HMGCLL1: variants seen among roughly 807,000 people sequenced by gnomAD.
HMGCLL1 encodes 3-hydroxy-3-methylglutaryl-CoA lyase like 1, also known as 3-hydroxymethyl-3-methylglutaryl-CoA lyase, cytoplasmic.
A neutral mutation model predicts 39.1 loss-of-function variants in HMGCLL1; 36 were observed. The observed-to-expected ratio is 0.92, with a 90% CI of 0.71 to 1.22. HMGCLL1 has a LOEUF of 1.22. Ranked by LOEUF, HMGCLL1 falls within the 50% of genes most tolerant of loss-of-function variation. The probability of loss-of-function intolerance (pLI) is 0.00; values close to 1 mark genes in which losing one functional copy is unlikely to be tolerated. For missense variants in HMGCLL1, 451 were observed against 416.5 expected (o/e 1.08, Z -0.72); for synonymous variants, 149 against 144.0 (o/e 1.03, Z -0.25).
At chr6:55,649,545 A>G in the HMGCLL1 span, among the ~76,000 whole-genome samples, 1 of 151,804 alleles carries the variant, frequency 6.6e-6, no homozygotes, top group Admixed American at 6.6e-5. Flanking sequence ...TGATTATTAA[A>G]TGCCTTGAGG....
the HMGCLL1 span, among the ~76,000 whole-genome samples, chr6:55,586,308 A>C: frequency 1.3e-5 from 2 of 152,180 alleles, no homozygotes; most frequent in East Asian, 3.9e-4. Flanking sequence ...AGAGCCTATC[A>C]TGATGAAGAG....
At chr6:55,481,193 C>A (rs1235911469) in intron 7 of HMGCLL1, among the ~76,000 whole-genome samples, 1 of 151,782 alleles carries the variant, frequency 6.6e-6, no homozygotes, top group Admixed American at 6.6e-5. Flanking sequence ...CCAGCCTGGG[C>A]AACTTGTGAG....
At chr6:55,549,170 T>C (rs1220854088) in intron 1 of HMGCLL1, among the ~76,000 whole-genome samples, 1 of 151,724 alleles carries the variant, frequency 6.6e-6, no homozygotes, top group African/African-American at 2.4e-5. Flanking sequence ...TATTGCTATA[T>C]TGAAGGTTAA....
intron 7 of HMGCLL1, among the ~76,000 whole-genome samples, chr6:55,467,644 A>G (rs1166431291): frequency 6.6e-6 from 1 of 152,082 alleles, no homozygotes; most frequent in African/African-American, 2.4e-5. Flanking sequence ...CAATTCCAAA[A>G]GGAAATTAAG....
Position 55,514,107 on chromosome 6 carries a change from A to G in HMGCLL1, c.483T>C (p.Ser161=). 7 of 1,613,042 alleles carry G rather than the reference A, an allele frequency of 4.3e-6. No individual in the cohort carries two copies. The highest frequency in any genetic ancestry group is 5.9e-6 in the Non-Finnish European group (7 of 1,179,458). Reference sequence around the variant, plus strand: ...TAACAACCTCCTCAAATTTTCCCATACTTTCTTCAATGGAACAGTTAATAT... The same window carrying G: ...TAACAACCTCCTCAAATTTTCCCATGCTTTCTTCAATGGAACAGTTAATAT... ...KKNINCSIEE[S]MGKFEEVVKS... is the part of the protein sequence containing the mutation. The change falls in exon 5 of 9, where the codon AGT becomes AGC. Residue 161 remains serine, a synonymous_variant. Transcript: ENST00000274901.
intron 1 of HMGCLL1, among the ~76,000 whole-genome samples, chr6:55,543,596 A>AT (rs78071444): frequency 2.5e-4 from 15 of 59,636 alleles, no homozygotes; most frequent in African/African-American, 5.6e-4. Context: ...ATATATATAT[A>AT]TTTTTTTGCC....
In HMGCLL1 at chr6:55,567,162, G is replaced by T. The variant is rs11969281; in HGVS notation, c.108+11786C>A. Among the ~76,000 whole-genome samples, 874 of 152,122 alleles carry T rather than the reference G, an allele frequency of 5.7e-3. 9 individuals carry two copies. The highest frequency in any genetic ancestry group is 0.02 in the African/African-American group (827 of 41,514). On this transcript the variant is annotated intron_variant, in intron 1 of 8. Transcript: ENST00000274901. ...AAGGGAACATGAAGAAAACAAGGAT[G>T]GGTATCCCAAGTACTTCAAAAGTAT...
In HMGCLL1 at chr6:55,577,092, C is replaced by T. The variant is rs746894192; in HGVS notation, c.108+1856G>A. ...TGGATATTTACCCAGTGGATACAAGCCACCGTGCCTGCCAAGGAGACTGAG... is the reference window on the plus strand; with the variant it reads ...TGGATATTTACCCAGTGGATACAAGTCACCGTGCCTGCCAAGGAGACTGAG... On this transcript the variant is annotated intron_variant, in intron 1 of 8. Coordinates refer to ENST00000274901, the MANE Select transcript of HMGCLL1 (RefSeq NM_001042406.2). The T allele has an allele frequency of 1.9e-6, 3 of 1,613,496 alleles. No homozygotes were observed. The East Asian group carries it at 6.7e-5, about 36-fold the overall frequency.
At chr6:55,468,262 G>C (rs1178277789) in intron 7 of HMGCLL1, among the ~76,000 whole-genome samples, 1 of 151,928 alleles carries the variant, frequency 6.6e-6, no homozygotes, top group Non-Finnish European at 1.5e-5. Context: ...TTTTGAAAAT[G>C]AATGGCCTGA....
chr6:55,574,948 A>G (rs1268855281), intron 1 of HMGCLL1, among the ~76,000 whole-genome samples: 5 of 152,058 alleles, frequency 3.3e-5, no homozygotes, highest in Non-Finnish European at 5.9e-5. Context: ...TATTTTAGAA[A>G]TATAATAGGT....
chr6:55,632,954 C>T, the HMGCLL1 span, among the ~76,000 whole-genome samples: 4 of 152,102 alleles, frequency 2.6e-5, no homozygotes, highest in African/African-American at 9.7e-5. Flanking sequence ...TGCATATAGA[C>T]TCTTGACATC....
the HMGCLL1 span, among the ~76,000 whole-genome samples, chr6:55,632,058 T>A: frequency 6.6e-6 from 1 of 152,154 alleles, no homozygotes; most frequent in African/African-American, 2.4e-5. Flanking sequence ...TTTTTAAAAT[T>A]TTTAAGTGAA....
At chr6:55,456,528 A>T (rs1764328977) in intron 7 of HMGCLL1, among the ~76,000 whole-genome samples, 1 of 152,158 alleles carries the variant, frequency 6.6e-6, no homozygotes, top group Non-Finnish European at 1.5e-5. Flanking sequence ...GCTCTTCATC[A>T]CAGGAGACTG....
At chr6:55,629,884 TATGGAAATGCCTGG>T in the HMGCLL1 span, among the ~76,000 whole-genome samples, 1 of 152,094 alleles carries the variant, frequency 6.6e-6, no homozygotes. Context: ...TCAGAGGATG[TATGGAAATGCCTGG>T]ATGTACAGGC....
chr6:55,480,124 A>C lies in HMGCLL1; in HGVS notation c.795+15295T>G, dbSNP rs551304500. Reference sequence around the variant, plus strand: ...AGTGGACAAATTACATCAACTTAAAATAATGTAATTTTAAGGGATTTCATC... The same window carrying C: ...AGTGGACAAATTACATCAACTTAAACTAATGTAATTTTAAGGGATTTCATC... On this transcript the variant is annotated intron_variant, in intron 7 of 8. Transcript: ENST00000274901. 2.0e-5 allele frequency among the ~76,000 whole-genome samples: 3 copies of C among 151,728 alleles called. No individual in the cohort carries two copies. In the East Asian group the frequency reaches 5.8e-4, roughly 29 times the overall value.
At chr6:55,641,411 T>C in the HMGCLL1 span, among the ~76,000 whole-genome samples, 1 of 152,014 alleles carries the variant, frequency 6.6e-6, no homozygotes, top group South Asian at 2.1e-4. Flanking sequence ...TAGTAATAGG[T>C]ATATTAAAGA....
intron 1 of HMGCLL1, among the ~76,000 whole-genome samples, chr6:55,568,827 CTTGG>C (rs1433984864): frequency 6.6e-6 from 1 of 151,286 alleles, no homozygotes; most frequent in South Asian, 2.1e-4. Flanking sequence ...GGTCTAGCCC[CTTGG>C]TTGATTAGGG....
chr6:55,458,369 A>G (rs1764416316), intron 7 of HMGCLL1, among the ~76,000 whole-genome samples: 1 of 152,184 alleles, frequency 6.6e-6, no homozygotes, highest in Non-Finnish European at 1.5e-5. Context: ...TAATAGTGAT[A>G]CAGGAAAGCA....
intron 7 of HMGCLL1, among the ~76,000 whole-genome samples, chr6:55,444,276 T>A (rs1236012036): frequency 6.6e-6 from 1 of 152,054 alleles, no homozygotes; most frequent in Non-Finnish European, 1.5e-5. Flanking sequence ...CAACAGTTCC[T>A]TATCAAAGAG....
Sources: allele counts gnomAD v4.1 joint callset (sites outside exome capture counted in the v4.1 genomes callset), GRCh38; gene constraint gnomAD v4.1.1; transcripts MANE v1.5; gene names NCBI Gene and HGNC (gene_info 2026-07-23, HGNC 2026-07-21).